Variants in NPC1 observed in about 807,000 individuals in gnomAD.
NPC1 encodes the protein Niemann-Pick C1 protein.
A neutral mutation model predicts 140.4 loss-of-function variants in NPC1; 85 were observed. The ratio of observed to expected loss-of-function variants is 0.61; its 90% CI spans 0.51 to 0.72. NPC1 has a LOEUF of 0.72. NPC1 is among the 30% of genes least tolerant of loss of function. The pLI is 0.00. For missense variants in NPC1, 1,504 were observed against 1,623.8 expected, an observed-to-expected ratio of 0.93 and a Z score of 1.27; for synonymous variants, 656 against 624.8, an observed-to-expected ratio of 1.05 and a Z score of -0.74.
chr18:23,532,287 ATGAG>A lies in NPC1; in HGVS notation c.3755-7_3755-4del, dbSNP rs2058537931. Reference sequence around the variant, plus strand: ...TTTGGCTTTATTTACTGATGGCCCTATGAGAGAGAGAGACTTTTTCTTATTTCTG... The same window carrying A: ...TTTGGCTTTATTTACTGATGGCCCTAAGAGAGAGACTTTTTCTTATTTCTG... On this transcript the variant is annotated splice_region_variant and splice_polypyrimidine_tract_variant and intron_variant, in intron 24 of 24. Coordinates refer to ENST00000269228, the MANE Select transcript of NPC1 (RefSeq NM_000271.5). 6.2e-7 allele frequency: 1 copy of A among 1,613,996 alleles called. No individual in the cohort carries two copies. Among genetic ancestry groups the A allele is most frequent in the Non-Finnish European group, 8.5e-7 (1 of 1,180,026 alleles).
In NPC1 at chr18:23,584,215, G is replaced by A. The variant is rs77642308; in HGVS notation, c.57+2072C>T. On this transcript the variant is annotated intron_variant, in intron 1 of 24. Transcript: ENST00000269228. ...AACATGTATTTCAGATCTTACACAGGACAACTAGTCCATAATTCCATGATA... is the reference window on the plus strand; with the variant it reads ...AACATGTATTTCAGATCTTACACAGAACAACTAGTCCATAATTCCATGATA... 4.3e-3 allele frequency among the ~76,000 whole-genome samples: 653 copies of A among 152,230 alleles called. 2 individuals carry two copies. The highest frequency in any genetic ancestry group is 0.015 in the African/African-American group (623 of 41,532).
At chr18:23,542,729 C>T (rs541161549) in intron 14 of NPC1, among the ~76,000 whole-genome samples, 1 of 152,358 alleles carries the variant, frequency 6.6e-6, no homozygotes, top group East Asian at 1.9e-4. Context: ...CCTTTGAAAA[C>T]AACGGCAAAC....
rs559982282 is a variant in NPC1 at position 23,515,736 on chromosome 18, T to G, written c.432-9094A>C. The G allele has an allele frequency of 2.3e-5, 26 of 1,141,538 alleles. No individual in the cohort carries two copies. In the African/African-American group the frequency reaches 3.7e-4, roughly 16 times the overall value. The allele number at this position is 1,141,538 out of a possible 1,614,324, so 70.7% of individuals were successfully genotyped here. On this transcript the variant is annotated intron_variant, in intron 3 of 3. Transcript: ENST00000591107. ...TTAGTAGAGATGGGGTTTTACCATTTTGTCCAGGCTGGTCTCGAACTCCTG... is the reference window on the plus strand; with the variant it reads ...TTAGTAGAGATGGGGTTTTACCATTGTGTCCAGGCTGGTCTCGAACTCCTG...
chr18:23,541,356 G>C lies in NPC1; in HGVS notation c.2323C>G (p.Gln775Glu). The change falls in exon 15 of 25, where the codon CAG becomes GAG. Residue 775 changes from glutamine to glutamate, a missense_variant. Coordinates refer to ENST00000269228, the MANE Select transcript of NPC1 (RefSeq NM_000271.5). ...AAGAGACTCACGAAACAGGTAATCT[G>C]CAGAAGAAAGTCAATGAAGACTGCC... Reference protein sequence around the residue: ...GLAVFIDFLLQITCFVSLLGL... With the variant: ...GLAVFIDFLLEITCFVSLLGL... 6.2e-7 allele frequency: 1 copy of C among 1,614,228 alleles called. No individual in the cohort carries two copies. The highest frequency in any genetic ancestry group is 8.5e-7 in the Non-Finnish European group (1 of 1,180,036).
At chr18:23,529,872 A>AC (rs2058437430), downstream of NPC1, 10 of 1,040,620 alleles carry the variant, frequency 9.6e-6, no homozygotes, top group Admixed American at 1.8e-4. Flanking sequence ...GGGAAGTGTA[A>AC]GGTCAAGTTG....
At chr18:23,583,106 C>CA (rs3083464) in intron 1 of NPC1, among the ~76,000 whole-genome samples, 37,497 of 109,936 alleles carry the variant, frequency 0.34, 6,766 homozygotes, top group Middle Eastern at 0.41. Context: ...GACCCTGTTT[C>CA]AAAAAAAAAA....
rs374903116 is a variant in NPC1, at chr18:23,551,580, C to T, written c.1654+47G>A. ...TACCACTTGATGCTAATGACAAAAC[C>T]GAGATGACTTTATCTAAAAGGAAAA... is the stretch of plus-strand genomic sequence containing the variant. On this transcript the variant is annotated intron_variant, in intron 10 of 24. Transcript: ENST00000269228. 11 of 1,402,026 alleles carry T rather than the reference C, an allele frequency of 7.8e-6. No homozygotes were observed. In the African/African-American group the frequency reaches 8.5e-5, roughly 11 times the overall value. 86.8% of individuals were successfully genotyped at this position (1,402,026 alleles called of 1,614,324 possible).
chr18:23,559,721 G>A lies in NPC1; in HGVS notation c.881+510C>T, dbSNP rs533748310. ...TCCCAGCACTCTGGGAGGCCAAGGC[G>A]GGCAGATCACCTGAGGTCAGGAGTT... On this transcript the variant is annotated intron_variant, in intron 6 of 24. Transcript: ENST00000269228. 1.3e-3 allele frequency among the ~76,000 whole-genome samples: 201 copies of A among 152,142 alleles called. 1 individual carries two copies. Among genetic ancestry groups the A allele is most frequent in the African/African-American group, 4.5e-3 (185 of 41,550 alleles).
At position 23,556,360 on chromosome 18, in the gene NPC1, G is replaced by C; in HGVS notation, c.1209C>G (p.Phe403Leu). 1 of 1,614,168 alleles carries C rather than the reference G, an allele frequency of 6.2e-7. No homozygotes were observed. The highest frequency in any genetic ancestry group is 8.5e-7 in the Non-Finnish European group (1 of 1,180,014). Reference protein sequence around the residue: ...EYFDQHFGPFFRTEQLIIRAP... With the variant: ...EYFDQHFGPFLRTEQLIIRAP... ...CCCGGATGATGAGCTGCTCCGTCCG[G>C]AAGAAAGGCCCAAAGTGCTGGTCAA... Residue 403 changes from phenylalanine (F) to leucine (L), a missense_variant, in exon 8 of 25, where the codon TTC (phenylalanine) becomes TTG (leucine). Transcript: ENST00000269228.
At chr18:23,516,727 C>CT (rs35162212) in intron 3 of NPC1, among the ~76,000 whole-genome samples, 24,579 of 73,734 alleles carry the variant, frequency 0.33, 2,266 homozygotes, top group Middle Eastern at 0.4. Context: ...ATTTCTTCTT[C>CT]TTTTTTTTTT....
chr18:23,572,293 G>A (rs1052982724), intron 2 of NPC1, 113 bp from the exon 3 acceptor site: 16 of 725,928 alleles, frequency 2.2e-5, no homozygotes, highest in African/African-American at 3.5e-5. Flanking sequence ...GTACAAAAGG[G>A]TAAGACACAT....
chr18:23,509,145 T>G, intron 3 of NPC1: 1 of 662,194 alleles, frequency 1.5e-6, no homozygotes, highest in Non-Finnish European at 2.3e-6. Context: ...GAGAGTTATA[T>G]GTGTTTTTTC....
intron 14 of NPC1, 61 bp from the exon 15 acceptor site, chr18:23,541,494 CT>C: frequency 6.2e-7 from 1 of 1,610,142 alleles, no homozygotes; most frequent in Non-Finnish European, 8.5e-7. Flanking sequence ...CTCTGCAGGT[CT>C]TATGTTCATG....
rs937477077 is a variant in NPC1 at position 23,568,701 on chromosome 18, T to C, written c.463+122A>G. 2.3e-5 allele frequency: 18 copies of C among 789,616 alleles called. No individual in the cohort carries two copies. The African/African-American group carries it at 2.6e-4, about 11-fold the overall frequency. The allele number at this position is 789,616 out of a possible 1,614,324, so 48.9% of individuals were successfully genotyped here. A position where few individuals can be genotyped will look rare whatever the true frequency, so the allele number is the denominator to read the frequency against. On this transcript the variant is annotated intron_variant, in intron 4 of 24. Coordinates refer to ENST00000269228, the MANE Select transcript of NPC1 (RefSeq NM_000271.5). ...GATACAAGCAAAGCAACAACTCTTA[T>C]TTCCTGGCCAATGGAACTGAAAATT... is the stretch of plus-strand genomic sequence containing the variant.
At chr18:23,544,890 G>T in intron 12 of NPC1, 70 bp downstream of exon 12, 1 of 1,136,044 alleles carries the variant, frequency 8.8e-7, no homozygotes, top group Non-Finnish European at 1.3e-6. Context: ...GAATAAAGAG[G>T]CAAAAATATG....
At position 23,557,209 on chromosome 18, in the gene NPC1, G is replaced by A. The variant is rs1159514271; in HGVS notation, c.882-19C>T. On this transcript the variant is annotated intron_variant, in intron 6 of 24. Transcript: ENST00000269228. Reference sequence around the variant, plus strand: ...CCGTTTTCTGAAAAACAGAAGTGAAGAAATAGCATTAGTGGACTTCATCAC... The same window carrying A: ...CCGTTTTCTGAAAAACAGAAGTGAAAAAATAGCATTAGTGGACTTCATCAC... 11 of 1,589,126 alleles carry A rather than the reference G, an allele frequency of 6.9e-6. No individual in the cohort carries two copies. The highest frequency in any genetic ancestry group is 9.5e-6 in the Non-Finnish European group (11 of 1,159,488).
chr18:23,540,016 A>T lies in NPC1; in HGVS notation c.2605-15T>A. ...ATGTAGGAGTCCTGAAAGAAAGATA[A>T]AAGAATAGGAGAGAGTGTGAACACT... On this transcript the variant is annotated splice_polypyrimidine_tract_variant and intron_variant, in intron 17 of 24. Coordinates refer to ENST00000269228, the MANE Select transcript of NPC1 (RefSeq NM_000271.5). 4 of 1,606,166 alleles carry T rather than the reference A, an allele frequency of 2.5e-6. No individual in the cohort carries two copies. Among genetic ancestry groups the T allele is most frequent in the Non-Finnish European group, 3.4e-6 (4 of 1,172,920 alleles).
chr18:23,519,145 C>G, downstream of NPC1: 2 of 1,614,122 alleles, frequency 1.2e-6, no homozygotes, highest in African/African-American at 1.3e-5. Context: ...GGTGGACAAC[C>G]TGGTAGTCGT....
At chr18:23,574,087 G>C (rs925489526) in intron 1 of NPC1, among the ~76,000 whole-genome samples, 34 of 152,332 alleles carry the variant, frequency 2.2e-4, no homozygotes, top group African/African-American at 7.7e-4. Context: ...CCTTGAGGCT[G>C]AAGTAGAAAG....
Sources: allele counts gnomAD v4.1 joint callset (sites outside exome capture counted in the v4.1 genomes callset), GRCh38; gene constraint gnomAD v4.1.1; transcripts MANE v1.5; gene names NCBI Gene and HGNC (gene_info 2026-07-23, HGNC 2026-07-21).